Variants in NT5DC4 observed in about 807,000 individuals in gnomAD.
NT5DC4 encodes 5'-nucleotidase domain containing 4.
Under a neutral mutation model 26.6 loss-of-function variants are expected in NT5DC4, and 44 were observed. The observed-to-expected ratio is 1.65, with a 90% CI of 1.30 to 2.13. The LOEUF is 2.13. NT5DC4 is among the 30% of genes most tolerant of loss of function. The pLI is 0.00. For synonymous variants in NT5DC4, 157 were observed against 86.7 expected (o/e 1.81, Z -4.51); for missense variants, 399 against 228.1 (o/e 1.75, Z -4.83).
downstream of NT5DC4, chr2:112,739,185 C>T: frequency 1.5e-6 from 1 of 686,098 alleles, no homozygotes; most frequent in Non-Finnish European, 2.4e-6. Flanking sequence ...TCTAGAGCAG[C>T]TTTCATCTTC....
At chr2:112,738,739 CT>C in intron 16 of NT5DC4, 173 bp from the exon 17 acceptor site, 12 of 916,230 alleles carry the variant, frequency 1.3e-5, no homozygotes, top group Non-Finnish European at 1.9e-5. Flanking sequence ...TGATGCCTCT[CT>C]TTTTTTCCAG....
downstream of NT5DC4, among the ~76,000 whole-genome samples, chr2:112,740,631 A>C (rs551792727): frequency 6.6e-6 from 1 of 152,260 alleles, no homozygotes; most frequent in East Asian, 1.9e-4. Context: ...GTGCAGGACA[A>C]ATGAGAGTGA....
At chr2:112,736,900 G>A (rs1164943939) in intron 16 of NT5DC4, 2 of 152,048 alleles carry the variant, frequency 1.3e-5, no homozygotes, top group African/African-American at 4.8e-5. Context: ...AAACATGTGA[G>A]TGCAGATATC....
chr2:112,737,583 A>T (rs1172804207), intron 16 of NT5DC4: 4 of 152,110 alleles, frequency 2.6e-5, no homozygotes, highest in Non-Finnish European at 5.9e-5. Flanking sequence ...GTTTTTCCAC[A>T]ATTGAGTTGT....
chr2:112,721,399 C>T (rs1451333379), intron 1 of NT5DC4: 5 of 698,630 alleles, frequency 7.2e-6, no homozygotes, highest in East Asian at 5.4e-5. Context: ...CCCTTCACCA[C>T]GGACACAGTG....
At chr2:112,734,045 C>G (rs1038613432) in intron 16 of NT5DC4, among the ~76,000 whole-genome samples, 5 of 152,200 alleles carry the variant, frequency 3.3e-5, no homozygotes, top group Middle Eastern at 3.4e-3. Flanking sequence ...GCAGGACTGA[C>G]ATTTATTAAC....
chr2:112,728,326 G>A (rs762080224), intron 15 of NT5DC4, among the ~76,000 whole-genome samples: 15 of 152,210 alleles, frequency 9.9e-5, no homozygotes, highest in African/African-American at 2.9e-4. Context: ...AGTGGCTTCC[G>A]AAGGGGTGGA....
intron 16 of NT5DC4, among the ~76,000 whole-genome samples, chr2:112,735,037 CATTTT>C (rs1278572682): frequency 2.6e-5 from 2 of 77,034 alleles, no homozygotes; most frequent in African/African-American, 8.6e-5. Flanking sequence ...GAGGCAAGAA[CATTTT>C]TTTTTTTTTT....
chr2:112,727,579 G>A (rs1214660371), intron 15 of NT5DC4, among the ~76,000 whole-genome samples: 1 of 152,184 alleles, frequency 6.6e-6, no homozygotes, highest in Non-Finnish European at 1.5e-5. Context: ...ATGGAAAGCT[G>A]CAGCGGGGCC....
At chr2:112,728,099 T>C (rs1392461766) in intron 15 of NT5DC4, among the ~76,000 whole-genome samples, 1 of 152,210 alleles carries the variant, frequency 6.6e-6, no homozygotes, top group African/African-American at 2.4e-5. Flanking sequence ...TCAGACTCAG[T>C]GGGATCACAG....
downstream of NT5DC4, chr2:112,739,104 A>T: frequency 7.4e-7 from 1 of 1,343,822 alleles, no homozygotes; most frequent in African/African-American, 1.5e-5. Flanking sequence ...AATTATCTTT[A>T]TTATTTTTTG....
At chr2:112,742,423 A>G (rs1405413194), downstream of NT5DC4, 2 of 717,636 alleles carry the variant, frequency 2.8e-6, no homozygotes, top group East Asian at 5.4e-5. Flanking sequence ...CTCTTCCAGC[A>G]AAGAGCTGTT....
downstream of NT5DC4, chr2:112,742,728 T>C: frequency 6.2e-7 from 1 of 1,607,716 alleles, no homozygotes; most frequent in South Asian, 1.1e-5. Context: ...TGTTTGAGTC[T>C]TGCAAGATAT....
intron 1 of NT5DC4, 88 bp from the exon 2 acceptor site, chr2:112,721,730 T>C (rs1676885834): frequency 1.4e-6 from 1 of 716,490 alleles, no homozygotes; most frequent in African/African-American, 1.7e-5. Flanking sequence ...TCTGCCCTCC[T>C]CTGCGGGGTT....
intron 15 of NT5DC4, 157 bp downstream of exon 15, chr2:112,726,895 C>T (rs1033789561): frequency 1.1e-5 from 7 of 651,348 alleles, no homozygotes; most frequent in East Asian, 5.5e-5. Context: ...TGTCAGCCAG[C>T]GCCCTCTGCT....
At chr2:112,722,622 C>T (rs1485245017) in intron 5 of NT5DC4, 33 bp downstream of exon 5, 6 of 717,312 alleles carry the variant, frequency 8.4e-6, no homozygotes, top group Non-Finnish European at 2.6e-6. Flanking sequence ...GGGAGGTGGT[C>T]CTGAGTTCCG....
chr2:112,725,320 C>G, intron 12 of NT5DC4, 62 bp from the exon 13 acceptor site: 1 of 690,458 alleles, frequency 1.4e-6, no homozygotes, highest in South Asian at 1.5e-5. Flanking sequence ...TCACCTGCCC[C>G]GAGTCACCTA....
downstream of NT5DC4, chr2:112,739,103 T>TAAAG: frequency 1.5e-6 from 2 of 1,333,638 alleles, no homozygotes; most frequent in Non-Finnish European, 2.1e-6. Flanking sequence ...AAATTATCTT[T>TAAAG]ATTATTTTTT....
chr2:112,739,142 G>C, downstream of NT5DC4: 1 of 986,810 alleles, frequency 1.0e-6, no homozygotes, highest in South Asian at 1.6e-5. Context: ...AAACAGGGAA[G>C]ACATTTTAAC....
Sources: allele counts gnomAD v4.1 joint callset (sites outside exome capture counted in the v4.1 genomes callset), GRCh38; gene constraint gnomAD v4.1.1; transcripts MANE v1.5; gene names NCBI Gene and HGNC (gene_info 2026-07-23, HGNC 2026-07-21).